Variants in CLMN observed in about 807,000 individuals in gnomAD.
CLMN encodes calmin (calponin-like, transmembrane).
CLMN carries 57 observed loss-of-function variants against 92.7 expected under a neutral mutation model. The ratio of observed to expected loss-of-function variants is 0.61; its 90% CI spans 0.50 to 0.77. CLMN has a LOEUF of 0.77. Among genes scored for constraint, CLMN ranks in the 30% least tolerant of loss-of-function variants. CLMN has a pLI of 0.00. For missense variants in CLMN, 1,158 were observed against 1,237.5 expected, an observed-to-expected ratio of 0.94 and a Z score of 0.96; for synonymous variants, 466 against 470.6, an observed-to-expected ratio of 0.99 and a Z score of 0.13.
intron 1 of CLMN, among the ~76,000 whole-genome samples, chr14:95,314,632 A>G (rs1371960654): frequency 6.6e-6 from 1 of 152,236 alleles, no homozygotes; most frequent in Non-Finnish European, 1.5e-5. Context: ...ACCCTGGCTC[A>G]GGCCTTCAGC....
chr14:95,263,995 T>G (rs1015896122), intron 1 of CLMN, among the ~76,000 whole-genome samples: 2 of 151,516 alleles, frequency 1.3e-5, no homozygotes, highest in African/African-American at 4.9e-5. Context: ...CCTTATTACT[T>G]TGCACCTTAT....
intron 1 of CLMN, among the ~76,000 whole-genome samples, chr14:95,271,927 G>A (rs192796233): frequency 7.9e-5 from 12 of 152,286 alleles, no homozygotes; most frequent in South Asian, 2.1e-4. Flanking sequence ...TGTGCCTGTC[G>A]GTTTTGTTCC....
rs1897175839 is a variant in CLMN at position 95,210,785 on chromosome 14, T to C, written c.703A>G (p.Met235Val). Residue 235 changes from methionine (M) to valine (V), a missense_variant, in exon 7 of 13, where the codon ATG (methionine) becomes GTG (valine). Met to Val is a conservative substitution (Grantham distance 21, BLOSUM62 1). Transcript: ENST00000298912. ...IKAIDPSLVD[M>V]KQALENSTRE... The stretch of plus-strand genomic sequence containing the variant: ...GTGGAATTTTCCAGGGCCTGTTTCA[T>C]GTCCACCAGGCTGGGGTCAATGGCC... 3 of 1,602,160 alleles carry C rather than the reference T, an allele frequency of 1.9e-6. No individual in the cohort carries two copies. The highest frequency in any genetic ancestry group is 2.6e-6 in the Non-Finnish European group (3 of 1,175,492).
At chr14:95,262,809 C>T (rs2140704742) in intron 1 of CLMN, among the ~76,000 whole-genome samples, 1 of 152,330 alleles carries the variant, frequency 6.6e-6, no homozygotes. Flanking sequence ...TCAAGCAATC[C>T]TCCTGCCTTG....
chr14:95,270,764 C>T (rs558768130), intron 1 of CLMN, among the ~76,000 whole-genome samples: 9 of 152,300 alleles, frequency 5.9e-5, no homozygotes, highest in African/African-American at 1.7e-4. Context: ...TTCTGCCATG[C>T]TGCTATAAAC....
chr14:95,209,028 CGGCCCAT>C (rs1223042968), intron 8 of CLMN, among the ~76,000 whole-genome samples: 1 of 152,140 alleles, frequency 6.6e-6, no homozygotes, highest in Non-Finnish European at 1.5e-5. Flanking sequence ...GTAATGATGT[CGGCCCAT>C]GGTTATAATT....
At chr14:95,267,752 C>G (rs1899533103) in intron 1 of CLMN, among the ~76,000 whole-genome samples, 1 of 152,070 alleles carries the variant, frequency 6.6e-6, no homozygotes, top group Non-Finnish European at 1.5e-5. Flanking sequence ...TCACAATAGC[C>G]AAAATATGGA....
At chr14:95,268,795 T>TA (rs1491287845) in intron 1 of CLMN, among the ~76,000 whole-genome samples, 1 of 44,538 alleles carries the variant, frequency 2.2e-5, no homozygotes, top group Non-Finnish European at 5.0e-5. Context: ...TCTCTCTCTC[T>TA]TTTTTTTTTT....
At chr14:95,311,378 G>C (rs1470871045) in intron 1 of CLMN, among the ~76,000 whole-genome samples, 2 of 152,102 alleles carry the variant, frequency 1.3e-5, no homozygotes, top group Non-Finnish European at 2.9e-5. Flanking sequence ...GCAGGGGTGG[G>C]GCGTGCCTCC....
intron 8 of CLMN, among the ~76,000 whole-genome samples, 187 bp from the exon 9 acceptor site, chr14:95,204,650 TTAGAGAAGAC>T (rs1226296423): frequency 1.3e-5 from 2 of 152,174 alleles, no homozygotes; most frequent in Non-Finnish European, 2.9e-5. Flanking sequence ...ATGTAAATGG[TTAGAGAAGAC>T]TCTTGTTCCT....
At chr14:95,248,811 G>C (rs781326909) in intron 1 of CLMN, among the ~76,000 whole-genome samples, 1 of 152,120 alleles carries the variant, frequency 6.6e-6, no homozygotes, top group African/African-American at 2.4e-5. Context: ...AACTGGAATA[G>C]GAAACAACGT....
intron 1 of CLMN, among the ~76,000 whole-genome samples, chr14:95,289,490 TAAATAAATAAATAAATAAACAAACAAAC>T (rs1462456881): frequency 3.4e-5 from 4 of 116,156 alleles, no homozygotes; most frequent in Non-Finnish European, 5.6e-5. Context: ...AATAAATAAA[TAAATAAATAAATAAATAAACAAACAAAC>T]AAACAAAAAA....
chr14:95,193,080 G>A (rs1262017783), intron 12 of CLMN: 3 of 465,370 alleles, frequency 6.4e-6, no homozygotes, highest in Non-Finnish European at 1.1e-5. Flanking sequence ...TTCAGACAGA[G>A]GCTTCCGATT....
intron 1 of CLMN, among the ~76,000 whole-genome samples, chr14:95,284,689 A>G (rs1206558361): frequency 2.0e-5 from 3 of 151,894 alleles, no homozygotes; most frequent in Non-Finnish European, 4.4e-5. Flanking sequence ...TTTTTTGGCC[A>G]ATTTCTCCCA....
chr14:95,222,300 AAGAGAGAAAG>A lies in CLMN; in HGVS notation c.241-536_241-527del, dbSNP rs577197300. 376 of 234,814 alleles carry A rather than the reference AAGAGAGAAAG, an allele frequency of 1.6e-3. 1 individual carries two copies. Among genetic ancestry groups the A allele is most frequent in the Non-Finnish European group, 2.5e-3 (294 of 116,008 alleles). 14.5% of individuals were successfully genotyped at this position (234,814 alleles called of 1,614,324 possible). ...TTTGTGGACAGTTATCCCAGGTCGA[AAGAGAGAAAG>A]AGAGAGAAAGAGAAAGAAAGAGACG... On this transcript the variant is annotated intron_variant, in intron 3 of 12. Transcript: ENST00000298912.
In CLMN at chr14:95,319,711, C is replaced by A; in HGVS notation, c.82G>T (p.Val28Phe). The A allele has an allele frequency of 6.3e-7, 1 of 1,596,698 alleles. No individual in the cohort carries two copies. Residue 28 changes from valine (V) to phenylalanine (F), a missense_variant and splice_region_variant, in exon 1 of 13, where the codon GTT (valine) becomes TTT (phenylalanine). Physicochemically the swap from Val to Phe is conservative, Grantham distance 50. Transcript: ENST00000298912. ...ISDIRVQNLQ[V>F]ERENVQKRTF... ...CCGGGGCGAGCCTGGGCTGCGTTACCTTGCAGGTTCTGCACTCGGATGTCG... is the reference window on the plus strand; with the variant it reads ...CCGGGGCGAGCCTGGGCTGCGTTACATTGCAGGTTCTGCACTCGGATGTCG...
At chr14:95,246,079 A>G (rs1013724290) in intron 1 of CLMN, among the ~76,000 whole-genome samples, 2 of 152,228 alleles carry the variant, frequency 1.3e-5, no homozygotes, top group African/African-American at 4.8e-5. Flanking sequence ...CTAATACTAA[A>G]TAAGCTGCTG....
At chr14:95,268,211 C>A (rs1899553465) in intron 1 of CLMN, among the ~76,000 whole-genome samples, 1 of 152,060 alleles carries the variant, frequency 6.6e-6, no homozygotes, top group Non-Finnish European at 1.5e-5. Context: ...GTGATGGATA[C>A]CCCAATTGCC....
chr14:95,198,451 C>T (rs1379679597), intron 9 of CLMN, among the ~76,000 whole-genome samples: 1 of 152,044 alleles, frequency 6.6e-6, no homozygotes, highest in Non-Finnish European at 1.5e-5. Flanking sequence ...TTGGGCTCCT[C>T]ATCAAACGGG....
Sources: gnomAD v4.1 joint callset for allele counts (sites outside exome capture counted in the v4.1 genomes callset) on GRCh38, gnomAD v4.1.1 for gene constraint, MANE v1.5 for transcripts, NCBI Gene and HGNC (gene_info 2026-07-23, HGNC 2026-07-21) for gene names.